Variants in SNX29 observed in about 807,000 individuals in gnomAD.
SNX29 encodes sorting nexin 29.
In SNX29, 78 loss-of-function variants were observed where a neutral mutation model predicts 102.1. The observed-to-expected ratio is 0.76, with a 90% confidence interval of 0.64 to 0.92. SNX29 has a LOEUF of 0.92. SNX29 is among the 40% of genes least tolerant of loss of function. SNX29 has a pLI of 0.00. For missense variants in SNX29, 1,280 were observed against 1,061.7 expected (o/e 1.21, Z -2.86); for synonymous variants, 580 against 414.5 (o/e 1.40, Z -4.85).
chr16:12,509,736 T>C (rs971202327), intron 19 of SNX29, among the ~76,000 whole-genome samples: 3 of 152,070 alleles, frequency 2.0e-5, no homozygotes, highest in African/African-American at 4.8e-5. Context: ...CTGAGCAACA[T>C]AGTGAGAGCT....
At chr16:12,054,434 G>T (rs1416556736) in intron 8 of SNX29, among the ~76,000 whole-genome samples, 1 of 152,222 alleles carries the variant, frequency 6.6e-6, no homozygotes, top group African/African-American at 2.4e-5. Context: ...TGTTTGAATT[G>T]GTGGACTCAG....
chr16:12,475,303 T>C (rs1297887606), intron 18 of SNX29, among the ~76,000 whole-genome samples: 1 of 152,164 alleles, frequency 6.6e-6, no homozygotes, highest in African/African-American at 2.4e-5. Context: ...GTTGGTAAGA[T>C]TTGGAAAGGA....
At chr16:12,514,333 G>C (rs1076881) in intron 19 of SNX29, among the ~76,000 whole-genome samples, 63,584 of 151,780 alleles carry the variant, frequency 0.42, 14,921 homozygotes, top group African/African-American at 0.62. Flanking sequence ...TACCTCAGGC[G>C]CCTCTGCTCC....
intron 20 of SNX29, among the ~76,000 whole-genome samples, chr16:12,558,427 C>T (rs1378200804): frequency 1.3e-5 from 2 of 152,198 alleles, no homozygotes; most frequent in African/African-American, 2.4e-5. Context: ...AAGCTGACAT[C>T]TAGAAAGCAT....
intron 15 of SNX29, among the ~76,000 whole-genome samples, chr16:12,339,192 A>G (rs1358338409): frequency 2.0e-5 from 3 of 151,946 alleles, no homozygotes; most frequent in African/African-American, 7.3e-5. Flanking sequence ...ACATGGTGAA[A>G]CCCCGTCTCT....
intron 15 of SNX29, among the ~76,000 whole-genome samples, chr16:12,279,171 C>G (rs1030437096): frequency 1.3e-5 from 2 of 152,172 alleles, no homozygotes; most frequent in Non-Finnish European, 1.5e-5. Flanking sequence ...CTTTCTAAAT[C>G]TTCTACAGTG....
chr16:12,555,429 GGA>G (rs547887622), intron 20 of SNX29, among the ~76,000 whole-genome samples: 18 of 152,042 alleles, frequency 1.2e-4, no homozygotes, highest in African/African-American at 2.4e-4. Context: ...TTGCTTTGTA[GGA>G]GACACTCATG....
intron 16 of SNX29, chr16:12,372,689 G>C (rs1264333078): frequency 2.6e-5 from 4 of 152,168 alleles, no homozygotes; most frequent in African/African-American, 7.2e-5. Flanking sequence ...GGTATGTCAT[G>C]GAAGGTTTCA....
intron 19 of SNX29, among the ~76,000 whole-genome samples, chr16:12,481,599 A>G (rs903777405): frequency 2.0e-5 from 3 of 150,546 alleles, no homozygotes; most frequent in Non-Finnish European, 4.4e-5. Flanking sequence ...CAGTGGCACA[A>G]TTTCACCTCA....
chr16:12,036,425 C>T (rs547746234), intron 4 of SNX29, among the ~76,000 whole-genome samples: 2 of 151,614 alleles, frequency 1.3e-5, no homozygotes, highest in South Asian at 4.2e-4. Context: ...AGCTCCGCCT[C>T]CCGGATTCAC....
chr16:12,327,166 G>GT (rs1240027521), intron 15 of SNX29, among the ~76,000 whole-genome samples: 2 of 152,126 alleles, frequency 1.3e-5, no homozygotes, highest in Admixed American at 6.5e-5. Context: ...TTAATTTCAT[G>GT]TTTTTTGTGT....
intron 9 of SNX29, 129 bp from the exon 10 acceptor site, chr16:12,068,928 G>C (rs1379695170): frequency 1.3e-6 from 1 of 770,116 alleles, no homozygotes; most frequent in Admixed American, 2.3e-5. Context: ...CAGCTTGCAG[G>C]AGAGATGGAG....
At position 12,483,679 on chromosome 16, in the gene SNX29, G is replaced by A. The variant is rs62028449; in HGVS notation, c.2178+5820G>A. ...GCCAAGGTAACAATTCCAAGATCTTGGTGACTTAAGCCAACAAGGGTATAT... is the reference window on the plus strand; with the variant it reads ...GCCAAGGTAACAATTCCAAGATCTTAGTGACTTAAGCCAACAAGGGTATAT... On this transcript the variant is annotated intron_variant, in intron 19 of 20. Transcript: ENST00000566228. Among the ~76,000 whole-genome samples the A allele has an allele frequency of 2.0e-5, 3 of 152,094 alleles. No homozygotes were observed. The East Asian group carries it at 5.8e-4, about 29-fold the overall frequency.
At chr16:12,166,822 G>A (rs1053484824) in intron 13 of SNX29, among the ~76,000 whole-genome samples, 2 of 152,174 alleles carry the variant, frequency 1.3e-5, no homozygotes, top group African/African-American at 4.8e-5. Context: ...AGCAGATCTC[G>A]TGTCCAACTT....
intron 20 of SNX29, among the ~76,000 whole-genome samples, chr16:12,538,236 C>A (rs1037839033): frequency 6.6e-6 from 1 of 152,150 alleles, no homozygotes; most frequent in Non-Finnish European, 1.5e-5. Flanking sequence ...GTGCCTCAGT[C>A]TCCCTAGTAG....
intron 3 of SNX29, among the ~76,000 whole-genome samples, chr16:12,025,413 G>C (rs1453952169): frequency 6.6e-6 from 1 of 152,006 alleles, no homozygotes; most frequent in East Asian, 1.9e-4. Context: ...TCAATGTGGG[G>C]GAGTATTCTG....
intron 3 of SNX29, among the ~76,000 whole-genome samples, chr16:12,019,396 A>C (rs1389528386): frequency 6.6e-6 from 1 of 151,718 alleles, no homozygotes. Flanking sequence ...TAGTGGAGAC[A>C]GGGTTTCACT....
At chr16:12,433,733 A>G (rs1195903036) in intron 18 of SNX29, among the ~76,000 whole-genome samples, 1 of 152,024 alleles carries the variant, frequency 6.6e-6, no homozygotes, top group Non-Finnish European at 1.5e-5. Context: ...CTGAGACACA[A>G]GTATCGCTTG....
intron 5 of SNX29, among the ~76,000 whole-genome samples, chr16:12,044,119 G>A (rs767101441): frequency 3.3e-5 from 5 of 152,146 alleles, no homozygotes; most frequent in Non-Finnish European, 5.9e-5. Context: ...TGAGTGATAC[G>A]GAGCGACACT....
Sources: gnomAD v4.1 joint callset for allele counts (sites outside exome capture counted in the v4.1 genomes callset) on GRCh38, gnomAD v4.1.1 for gene constraint, MANE v1.5 for transcripts, NCBI Gene and HGNC (gene_info 2026-07-23, HGNC 2026-07-21) for gene names.